Variants in OCA2 observed in about 807,000 individuals in gnomAD.
OCA2 encodes OCA2 melanosomal transmembrane protein.
OCA2 carries 77 observed loss-of-function variants against 100.2 expected under a neutral mutation model. The ratio of observed to expected loss-of-function variants is 0.77; its 90% CI spans 0.64 to 0.93. The LOEUF (loss-of-function observed/expected upper bound fraction) is 0.93. Ranked by LOEUF, OCA2 falls within the 40% of genes least tolerant of loss-of-function variation. The pLI is 0.00. For missense variants in OCA2, 1,062 were observed against 1,089.1 expected (o/e 0.98, Z 0.35); for synonymous variants, 432 against 439.2 (o/e 0.98, Z 0.21).
At chr15:27,725,374 C>A in the OCA2 span, among the ~76,000 whole-genome samples, 12 of 152,160 alleles carry the variant, frequency 7.9e-5, no homozygotes, top group Admixed American at 7.8e-4. Context: ...GTCAGGAGTT[C>A]AAGATCAGCC....
At chr15:27,934,923 G>A (rs547846344) in intron 18 of OCA2, among the ~76,000 whole-genome samples, 80 of 152,274 alleles carry the variant, frequency 5.3e-4, no homozygotes, top group African/African-American at 1.9e-3. Context: ...GCACTAATCA[G>A]GCTGCCGGTG....
chr15:27,999,558 G>C (rs1324439266), intron 9 of OCA2, among the ~76,000 whole-genome samples: 3 of 152,176 alleles, frequency 2.0e-5, no homozygotes, highest in Non-Finnish European at 4.4e-5. Flanking sequence ...TCAGGAACAA[G>C]ACAAGGATGC....
At chr15:27,885,701 A>G (rs914732504) in intron 19 of OCA2, among the ~76,000 whole-genome samples, 3 of 152,164 alleles carry the variant, frequency 2.0e-5, no homozygotes, top group Non-Finnish European at 4.4e-5. Flanking sequence ...AAAAACGTGC[A>G]GTCCTCATGA....
At chr15:27,845,179 C>A in intron 22 of OCA2, 127 bp from the exon 23 acceptor site, 1 of 773,962 alleles carries the variant, frequency 1.3e-6, no homozygotes, top group African/African-American at 1.7e-5. Flanking sequence ...TCAAAGTGAC[C>A]GCTTTGTAAA....
At chr15:28,050,433 C>G (rs929538394) in intron 2 of OCA2, among the ~76,000 whole-genome samples, 2 of 151,820 alleles carry the variant, frequency 1.3e-5, no homozygotes, top group African/African-American at 2.4e-5. Context: ...TAGTGGCAGG[C>G]GTCTGTAATC....
intron 3 of OCA2, among the ~76,000 whole-genome samples, chr15:28,031,648 T>C (rs1459716971): frequency 6.6e-6 from 1 of 152,244 alleles, no homozygotes; most frequent in Non-Finnish European, 1.5e-5. Context: ...GATAATTCTT[T>C]GTGGTGGGGG....
In OCA2 at chr15:27,815,481, G is replaced by C. The variant is rs191435856; in HGVS notation, c.2432+29478C>G. Among the ~76,000 whole-genome samples, 21 of 152,228 alleles carry C rather than the reference G, an allele frequency of 1.4e-4. No individual in the cohort carries two copies. The East Asian group carries it at 2.9e-3, about 21-fold the overall frequency. On this transcript the variant is annotated intron_variant, in intron 23 of 23. Coordinates refer to ENST00000354638, the MANE Select transcript of OCA2 (RefSeq NM_000275.3). ...ATGTTGGTGAGGGTTTAGAGAATAG[G>C]CGTCTGTATTCATACCTCCTGGGGC...
chr15:27,774,134 A>T (rs1202954690), intron 23 of OCA2, among the ~76,000 whole-genome samples: 1 of 152,186 alleles, frequency 6.6e-6, no homozygotes, highest in African/African-American at 2.4e-5. Flanking sequence ...GTCCACCCAG[A>T]ACTTGTTTCC....
chr15:27,936,587 C>T (rs2039460268), intron 18 of OCA2, among the ~76,000 whole-genome samples: 1 of 152,176 alleles, frequency 6.6e-6, no homozygotes, highest in African/African-American at 2.4e-5. Context: ...CACTGCTCTT[C>T]AGGCCTGTGT....
At chr15:27,857,105 A>G (rs952253806) in intron 21 of OCA2, among the ~76,000 whole-genome samples, 4 of 152,246 alleles carry the variant, frequency 2.6e-5, no homozygotes, top group Non-Finnish European at 4.4e-5. Flanking sequence ...AAGAGGTTCA[A>G]TAACTACAGG....
At chr15:27,891,672 GA>G (rs559233504) in intron 19 of OCA2, among the ~76,000 whole-genome samples, 22 of 152,270 alleles carry the variant, frequency 1.4e-4, no homozygotes, top group African/African-American at 3.8e-4. Context: ...TTGCTTTTTG[GA>G]AGTTTATGGG....
chr15:28,040,439 C>T (rs974200226), intron 2 of OCA2, among the ~76,000 whole-genome samples: 2 of 151,900 alleles, frequency 1.3e-5, no homozygotes, highest in African/African-American at 2.4e-5. Context: ...TAATTTTATA[C>T]GATAAGGAAC....
chr15:27,758,925 T>G (rs1344707719), intron 23 of OCA2, among the ~76,000 whole-genome samples: 1 of 152,044 alleles, frequency 6.6e-6, no homozygotes, highest in East Asian at 1.9e-4. Context: ...ATTAAAAAAT[T>G]GGTAAAAGAT....
chr15:27,888,994 G>A (rs1284347234), intron 19 of OCA2, among the ~76,000 whole-genome samples: 3 of 152,184 alleles, frequency 2.0e-5, no homozygotes, highest in Non-Finnish European at 4.4e-5. Context: ...GAAGCTCATA[G>A]TGGAGGAATT....
At chr15:28,046,373 A>G (rs1480232503) in intron 2 of OCA2, among the ~76,000 whole-genome samples, 1 of 152,180 alleles carries the variant, frequency 6.6e-6, no homozygotes, top group Non-Finnish European at 1.5e-5. Flanking sequence ...TGAAGGGGAT[A>G]AAGGGAGGAG....
chr15:27,768,503 CT>C (rs2031460810), intron 23 of OCA2, among the ~76,000 whole-genome samples: 1 of 152,152 alleles, frequency 6.6e-6, no homozygotes, highest in Non-Finnish European at 1.5e-5. Flanking sequence ...GAATCAATAG[CT>C]TATGTTATTC....
At chr15:27,974,438 G>A (rs925771718) in intron 14 of OCA2, among the ~76,000 whole-genome samples, 1 of 152,154 alleles carries the variant, frequency 6.6e-6, no homozygotes, top group Non-Finnish European at 1.5e-5. Context: ...TCCATACAGA[G>A]AAGTATTTCC....
At chr15:28,054,159 A>G (rs748735897) in intron 2 of OCA2, among the ~76,000 whole-genome samples, 1 of 152,176 alleles carries the variant, frequency 6.6e-6, no homozygotes, top group Non-Finnish European at 1.5e-5. Flanking sequence ...CTGTACATAT[A>G]TGTATTATAG....
chr15:28,012,200 T>C (rs1171184245), intron 9 of OCA2, among the ~76,000 whole-genome samples: 1 of 152,154 alleles, frequency 6.6e-6, no homozygotes, highest in Non-Finnish European at 1.5e-5. Flanking sequence ...TCCAACATTA[T>C]CATCATTAGA....
Sources: gnomAD v4.1 joint callset for allele counts (sites outside exome capture counted in the v4.1 genomes callset) on GRCh38, gnomAD v4.1.1 for gene constraint, MANE v1.5 for transcripts, NCBI Gene and HGNC (gene_info 2026-07-23, HGNC 2026-07-21) for gene names.